The following RBFOX1 variants were observed in gnomAD, a reference collection of about 807,000 sequenced individuals.
RBFOX1 encodes the protein RNA binding protein fox-1 homolog 1.
A neutral mutation model predicts 57.7 loss-of-function variants in RBFOX1; 8 were observed. That is an observed-to-expected ratio of 0.14 (90% confidence interval 0.08 to 0.25). The LOEUF is 0.25. Among genes scored for constraint, RBFOX1 ranks in the 10% least tolerant of loss-of-function variants. The pLI is 1.00. For missense variants in RBFOX1, 611 were observed against 548.5 expected, an observed-to-expected ratio of 1.11 and a Z score of -1.14; for synonymous variants, 326 against 222.4, an observed-to-expected ratio of 1.47 and a Z score of -4.15.
intron 1 of RBFOX1, among the ~76,000 whole-genome samples, chr16:6,249,292 C>T (rs1478655928): frequency 2.6e-5 from 4 of 151,954 alleles, no homozygotes; most frequent in East Asian, 1.9e-4. Flanking sequence ...TTTGGGAGGC[C>T]GAGGCAGATG....
intron 2 of RBFOX1, among the ~76,000 whole-genome samples, chr16:6,540,887 C>A (rs1199370300): frequency 6.6e-6 from 1 of 152,056 alleles, no homozygotes; most frequent in Non-Finnish European, 1.5e-5. Context: ...CATTATAAAT[C>A]CGTTAAAATG....
chr16:7,366,346 G>A (rs140639261), intron 4 of RBFOX1, among the ~76,000 whole-genome samples: 12 of 152,280 alleles, frequency 7.9e-5, no homozygotes, highest in African/African-American at 2.6e-4. Context: ...ACAAAGGCAC[G>A]GCACCTAGAG....
At chr16:5,478,652 C>T (rs534453419) in intron 2 of RBFOX1, among the ~76,000 whole-genome samples, 210 of 152,322 alleles carry the variant, frequency 1.4e-3, no homozygotes, top group African/African-American at 4.8e-3. Flanking sequence ...ATCTGCTTAT[C>T]TTTCCAGACC....
At chr16:5,628,502 G>T (rs1316778356) in intron 3 of RBFOX1, among the ~76,000 whole-genome samples, 2 of 152,114 alleles carry the variant, frequency 1.3e-5, no homozygotes, top group Non-Finnish European at 2.9e-5. Flanking sequence ...TGGGTTAGGG[G>T]AAGAACGCTT....
At chr16:6,833,618 G>T (rs2092872859) in intron 3 of RBFOX1, among the ~76,000 whole-genome samples, 2 of 152,190 alleles carry the variant, frequency 1.3e-5, no homozygotes, top group Admixed American at 1.3e-4. Context: ...AAAGTTACAT[G>T]TCACAGGGCA....
intron 3 of RBFOX1, among the ~76,000 whole-genome samples, chr16:5,858,783 C>T (rs2057136424): frequency 6.6e-6 from 1 of 152,198 alleles, no homozygotes; most frequent in African/African-American, 2.4e-5. Flanking sequence ...TGAATATCAT[C>T]CATGAATGGG....
intron 4 of RBFOX1, among the ~76,000 whole-genome samples, chr16:7,184,015 C>T (rs140467966): frequency 1.1e-4 from 16 of 152,158 alleles, no homozygotes; most frequent in African/African-American, 3.4e-4. Context: ...TGATGAGGGG[C>T]GATGCAGATG....
Position 6,761,273 on chromosome 16 carries a change from G to C in RBFOX1, c.-16+106623G>C, listed in dbSNP as rs571242513. Among the ~76,000 whole-genome samples, 3 of 152,256 alleles carry C rather than the reference G, an allele frequency of 2.0e-5. No individual in the cohort carries two copies. The South Asian group carries it at 6.2e-4, about 32-fold the overall frequency. ...CAATTTAATCCGTCCGAAGGGCTAA[G>C]TGATTCAGAGAACTGACACTTGGAT... On this transcript the variant is annotated intron_variant, in intron 3 of 15. Coordinates refer to ENST00000550418, the MANE Select transcript of RBFOX1 (RefSeq NM_018723.4).
chr16:7,017,116 G>T (rs2093955306), intron 3 of RBFOX1, among the ~76,000 whole-genome samples: 1 of 152,058 alleles, frequency 6.6e-6, no homozygotes, highest in Non-Finnish European at 1.5e-5. Context: ...TGGCAACCCT[G>T]TTCTCTCTAA....
At chr16:5,240,586 C>T (rs1188624067) in intron 1 of RBFOX1, among the ~76,000 whole-genome samples, 3 of 152,226 alleles carry the variant, frequency 2.0e-5, no homozygotes, top group East Asian at 1.9e-4. Context: ...TCACCTGCCC[C>T]GCATCTTCCT....
At chr16:7,439,664 CTG>C (rs1450236497) in intron 4 of RBFOX1, among the ~76,000 whole-genome samples, 3 of 152,182 alleles carry the variant, frequency 2.0e-5, no homozygotes, top group Non-Finnish European at 4.4e-5. Flanking sequence ...GATTAAATAA[CTG>C]TTTTAAAGGC....
At chr16:6,209,422 C>T (rs954543806) in intron 1 of RBFOX1, among the ~76,000 whole-genome samples, 15 of 152,166 alleles carry the variant, frequency 9.9e-5, no homozygotes, top group Non-Finnish European at 2.1e-4. Context: ...TTCCAAACTT[C>T]CTTGTTAATC....
intron 4 of RBFOX1, among the ~76,000 whole-genome samples, chr16:6,009,802 A>ATGTGTG (rs753032432): frequency 3.4e-5 from 2 of 58,562 alleles, no homozygotes; most frequent in African/African-American, 1.8e-4. Flanking sequence ...CAGTGTGTGT[A>ATGTGTG]TGTGTGTGTG....
At chr16:7,134,369 C>A (rs2071336436) in intron 4 of RBFOX1, among the ~76,000 whole-genome samples, 1 of 152,168 alleles carries the variant, frequency 6.6e-6, no homozygotes, top group Non-Finnish European at 1.5e-5. Flanking sequence ...AAGACTTTAA[C>A]ATCGCTCTGG....
At chr16:5,541,088 G>A (rs1424628963) in intron 2 of RBFOX1, among the ~76,000 whole-genome samples, 2 of 152,094 alleles carry the variant, frequency 1.3e-5, no homozygotes, top group Non-Finnish European at 2.9e-5. Context: ...GGCCTCAAGT[G>A]ATCCACCTGC....
chr16:7,261,046 T>A (rs1291207832), intron 4 of RBFOX1, among the ~76,000 whole-genome samples: 1 of 152,112 alleles, frequency 6.6e-6, no homozygotes, highest in African/African-American at 2.4e-5. Context: ...CGTCTATGAC[T>A]CCACCTGAAA....
intron 1 of RBFOX1, among the ~76,000 whole-genome samples, chr16:5,441,725 A>G (rs188052510): frequency 5.3e-5 from 8 of 152,278 alleles, no homozygotes; most frequent in South Asian, 2.1e-4. Context: ...GAAACTTACA[A>G]TCATGGCAGA....
At chr16:7,583,839 C>G (rs988096456) in intron 6 of RBFOX1, among the ~76,000 whole-genome samples, 3 of 151,990 alleles carry the variant, frequency 2.0e-5, no homozygotes, top group African/African-American at 7.3e-5. Context: ...CAAAAAAAAC[C>G]ACACCAAAAC....
chr16:6,109,581 C>G (rs11863872), intron 1 of RBFOX1, among the ~76,000 whole-genome samples: 6,316 of 152,202 alleles, frequency 0.041, 226 homozygotes, highest in African/African-American at 0.092. Flanking sequence ...TCTCTATTTT[C>G]TAGTGCACTT....
Sources: gnomAD v4.1 joint callset for allele counts (sites outside exome capture counted in the v4.1 genomes callset) on GRCh38, gnomAD v4.1.1 for gene constraint, MANE v1.5 for transcripts, NCBI Gene and HGNC (gene_info 2026-07-23, HGNC 2026-07-21) for gene names.